PPP4R1: variants seen among roughly 807,000 people sequenced by gnomAD.
The protein encoded by PPP4R1 is serine/threonine-protein phosphatase 4 regulatory subunit 1.
A neutral mutation model predicts 111.2 loss-of-function variants in PPP4R1; 42 were observed. That is an observed-to-expected ratio of 0.38 (90% confidence interval 0.29 to 0.49). The LOEUF is 0.49. Ranked by LOEUF, PPP4R1 falls within the 20% of genes least tolerant of loss-of-function variation. PPP4R1 has a pLI of 0.97. For synonymous variants in PPP4R1, 409 were observed against 405.5 expected (o/e 1.01, Z -0.10); for missense variants, 1,012 against 1,161.6 (o/e 0.87, Z 1.87).
chr18:9,561,793 T>C (rs1407250113), intron 13 of PPP4R1, among the ~76,000 whole-genome samples, 187 bp downstream of exon 13: 2 of 152,056 alleles, frequency 1.3e-5, no homozygotes, highest in South Asian at 2.1e-4. Flanking sequence ...ATCACAGAGG[T>C]AGAAAAGGGA....
intron 19 of PPP4R1, among the ~76,000 whole-genome samples, chr18:9,548,858 C>T (rs2066442649): frequency 6.6e-6 from 1 of 152,240 alleles, no homozygotes; most frequent in African/African-American, 2.4e-5. Context: ...GCAGAGGTTA[C>T]AGTGAGCTGA....
Position 9,589,275 on chromosome 18 carries a change from TAGTC to T in PPP4R1, c.296-426_296-423del, listed in dbSNP as rs552091448. ...TAAAAACTAGTTCCTAATCTCAACTTAGTCAATAAATGAAAGATATATAATTAGA... is the reference window on the plus strand; with the variant it reads ...TAAAAACTAGTTCCTAATCTCAACTTAATAAATGAAAGATATATAATTAGA... On this transcript the variant is annotated intron_variant, in intron 4 of 19. Coordinates refer to ENST00000400556, the MANE Select transcript of PPP4R1 (RefSeq NM_001042388.3). Among the ~76,000 whole-genome samples, 170 of 152,316 alleles carry T rather than the reference TAGTC, an allele frequency of 1.1e-3. 2 individuals carry two copies. The South Asian group carries it at 0.012, about 11-fold the overall frequency.
intron 11 of PPP4R1, among the ~76,000 whole-genome samples, chr18:9,564,735 T>TGG (rs1404643969): frequency 1.0e-3 from 42 of 40,214 alleles, no homozygotes; most frequent in African/African-American, 3.3e-3. Context: ...TGTGTGTGTG[T>TGG]GTGGGGGTAT....
intron 9 of PPP4R1, among the ~76,000 whole-genome samples, chr18:9,582,879 T>TTAA (rs1253308108): frequency 9.9e-5 from 15 of 152,178 alleles, no homozygotes; most frequent in Admixed American, 7.2e-4. Context: ...AAAATTAACA[T>TTAA]AATACATCAT....
intron 2 of PPP4R1, among the ~76,000 whole-genome samples, chr18:9,607,340 A>G (rs764606672): frequency 1.3e-5 from 2 of 149,012 alleles, no homozygotes; most frequent in Non-Finnish European, 3.0e-5. Flanking sequence ...CAGCCTGGGC[A>G]ACAGAGCCAG....
intron 12 of PPP4R1, chr18:9,562,838 T>C (rs939717701): frequency 1.6e-5 from 16 of 979,724 alleles, no homozygotes; most frequent in Middle Eastern, 5.3e-4. Flanking sequence ...GCTGGCTTGA[T>C]GGAGATGCAG....
intron 12 of PPP4R1, chr18:9,562,867 TC>T: frequency 1.0e-6 from 1 of 985,798 alleles, no homozygotes; most frequent in Non-Finnish European, 1.2e-6. Flanking sequence ...TAGGGAAGGA[TC>T]ATAGAGAACA....
Position 9,588,707 on chromosome 18 carries a change from T to C in PPP4R1, c.438+4A>G, listed in dbSNP as rs1470216039. The C allele has an allele frequency of 8.7e-6, 14 of 1,604,048 alleles. No homozygotes were observed. Among genetic ancestry groups the C allele is most frequent in the Non-Finnish European group, 1.2e-5 (14 of 1,173,048 alleles). On this transcript the variant is annotated splice_donor_region_variant and intron_variant, in intron 5 of 19. Coordinates refer to ENST00000400556, the MANE Select transcript of PPP4R1 (RefSeq NM_001042388.3). ...TTTTAAGAACATATAAATGGTACTC[T>C]TACCTGATTATTCTGATCTGCAAGG...
At chr18:9,554,358 A>G (rs1037797976) in intron 15 of PPP4R1, among the ~76,000 whole-genome samples, 1 of 152,012 alleles carries the variant, frequency 6.6e-6, no homozygotes, top group South Asian at 2.1e-4. Context: ...CGATCTCCTG[A>G]CCTCAGGTGA....
intron 4 of PPP4R1, among the ~76,000 whole-genome samples, chr18:9,592,027 G>T (rs747766575): frequency 2.0e-5 from 3 of 152,088 alleles, no homozygotes; most frequent in African/African-American, 7.2e-5. Flanking sequence ...TGGATATCAC[G>T]CCACTCTGCT....
chr18:9,592,020 A>G (rs571990278), intron 4 of PPP4R1, among the ~76,000 whole-genome samples: 6 of 152,266 alleles, frequency 3.9e-5, no homozygotes, highest in South Asian at 2.1e-4. Context: ...CAGTGAGTGG[A>G]TATCACGCCA....
chr18:9,585,568 T>C (rs1382230421), intron 6 of PPP4R1, among the ~76,000 whole-genome samples: 7 of 152,108 alleles, frequency 4.6e-5, no homozygotes, highest in Non-Finnish European at 8.8e-5. Context: ...AATAAAGAAG[T>C]AAAAGAGATA....
chr18:9,614,521 G>C lies in PPP4R1; in HGVS notation c.-37C>G. The C allele has an allele frequency of 9.9e-7, 1 of 1,013,858 alleles. No homozygotes were observed. Among genetic ancestry groups the C allele is most frequent in the Non-Finnish European group, 1.2e-6 (1 of 849,904 alleles). The allele number at this position is 1,013,858 out of a possible 1,614,324, so 62.8% of individuals were successfully genotyped here. ...CCCCTCCTCCGCGGCCGCCCGGGGAGCCGGGGCTACATGGAGCGGCGCGAG... is the reference window on the plus strand; with the variant it reads ...CCCCTCCTCCGCGGCCGCCCGGGGACCCGGGGCTACATGGAGCGGCGCGAG... On this transcript the variant is annotated 5_prime_UTR_variant, in exon 1 of 20. Transcript: ENST00000400556. The surrounding 1 kb of genome is among the most constrained non-coding windows in gnomAD (Gnocchi z 4.1).
At chr18:9,558,147 AAG>A (rs1175200001) in intron 14 of PPP4R1, among the ~76,000 whole-genome samples, 1 of 152,190 alleles carries the variant, frequency 6.6e-6, no homozygotes, top group Admixed American at 6.5e-5. Context: ...ATTTTACCTA[AAG>A]AGAAACAGTT....
chr18:9,578,058 T>C (rs1598922638), intron 9 of PPP4R1, among the ~76,000 whole-genome samples: 2 of 152,226 alleles, frequency 1.3e-5, no homozygotes, highest in Non-Finnish European at 2.9e-5. Flanking sequence ...ATAAAGAAGT[T>C]ATAGAATTCC....
intron 2 of PPP4R1, among the ~76,000 whole-genome samples, chr18:9,609,382 CA>C (rs112449131): frequency 0.16 from 25,068 of 152,014 alleles, 2,882 homozygotes; most frequent in African/African-American, 0.33. Flanking sequence ...CCTCACCTCC[CA>C]CCGGAAGCAA....
chr18:9,611,951 C>T lies in PPP4R1; in HGVS notation c.52+2275G>A, dbSNP rs757855258. On this transcript the variant is annotated intron_variant, in intron 2 of 19. Transcript: ENST00000400556. ...ACTTGAACCCGGGAGGCAGAGGTTGCGGTGAGCCGAGATCGCGCCATTTTG... is the reference window on the plus strand; with the variant it reads ...ACTTGAACCCGGGAGGCAGAGGTTGTGGTGAGCCGAGATCGCGCCATTTTG... 2.6e-5 allele frequency among the ~76,000 whole-genome samples: 4 copies of T among 151,384 alleles called. No individual in the cohort carries two copies. The East Asian group carries it at 5.8e-4, about 22-fold the overall frequency.
intron 11 of PPP4R1, among the ~76,000 whole-genome samples, chr18:9,567,981 T>C (rs11872561): frequency 0.01 from 1,591 of 152,316 alleles, 30 homozygotes; most frequent in African/African-American, 0.035. Flanking sequence ...TGTGCATTTT[T>C]TTTTAGACAA....
intron 4 of PPP4R1, among the ~76,000 whole-genome samples, chr18:9,592,988 A>G (rs1292861894): frequency 1.3e-5 from 2 of 152,218 alleles, no homozygotes; most frequent in African/African-American, 4.8e-5. Context: ...TTTAAGGCTT[A>G]TGTAAACATT....
Sources: allele counts gnomAD v4.1 joint callset (sites outside exome capture counted in the v4.1 genomes callset), GRCh38; gene constraint gnomAD v4.1.1; non-coding constraint Gnocchi (gnomAD v3.1); transcripts MANE v1.5; gene names NCBI Gene and HGNC (gene_info 2026-07-23, HGNC 2026-07-21).